TRPC7: variants seen among roughly 807,000 people sequenced by gnomAD.
TRPC7 encodes short transient receptor potential channel 7.
In TRPC7, 42 loss-of-function variants were observed where a neutral mutation model predicts 90.1. That is an observed-to-expected ratio of 0.47 (90% CI 0.36 to 0.60). TRPC7 has a LOEUF of 0.60. Among genes scored for constraint, TRPC7 ranks in the 20% least tolerant of loss-of-function variants. TRPC7 has a pLI of 0.00. For missense variants in TRPC7, 955 were observed against 1,112.3 expected (o/e 0.86, Z 2.01); for synonymous variants, 451 against 436.3 (o/e 1.03, Z -0.42).
chr5:136,253,667 A>G (rs1756598271), intron 5 of TRPC7, among the ~76,000 whole-genome samples: 1 of 152,118 alleles, frequency 6.6e-6, no homozygotes, highest in African/African-American at 2.4e-5. Flanking sequence ...TGCTCCACTG[A>G]CCTGCTGTTT....
At chr5:136,264,669 C>T (rs571374768) in intron 5 of TRPC7, among the ~76,000 whole-genome samples, 9 of 151,644 alleles carry the variant, frequency 5.9e-5, no homozygotes, top group African/African-American at 1.2e-4. Context: ...GTCCGCTCAT[C>T]GAAACCTCTG....
intron 2 of TRPC7, among the ~76,000 whole-genome samples, chr5:136,356,147 A>T (rs1463800494): frequency 1.3e-5 from 2 of 152,224 alleles, no homozygotes; most frequent in Non-Finnish European, 2.9e-5. Context: ...TTCCTATTAG[A>T]CTGAGACTGA....
At chr5:136,324,820 A>G (rs564771182) in intron 2 of TRPC7, among the ~76,000 whole-genome samples, 13 of 152,366 alleles carry the variant, frequency 8.5e-5, no homozygotes, top group African/African-American at 3.1e-4. Context: ...AATTTCTCAG[A>G]GAGATGTTGT....
intron 10 of TRPC7, among the ~76,000 whole-genome samples, chr5:136,217,535 TG>T (rs1755308725): frequency 6.6e-6 from 1 of 152,300 alleles, no homozygotes; most frequent in African/African-American, 2.4e-5. Context: ...CTCGGGCTCA[TG>T]GGCCAACTGG....
intron 3 of TRPC7, among the ~76,000 whole-genome samples, chr5:136,301,227 A>T (rs1758370414): frequency 6.6e-6 from 1 of 150,958 alleles, no homozygotes; most frequent in Admixed American, 6.6e-5. Context: ...GGGTTTCATC[A>T]TGTTAGTCAG....
intron 2 of TRPC7, among the ~76,000 whole-genome samples, chr5:136,352,307 C>T (rs1580987409): frequency 6.6e-6 from 1 of 152,302 alleles, no homozygotes; most frequent in South Asian, 2.1e-4. Context: ...CCAGGCATTG[C>T]TGTTTCCATA....
intron 3 of TRPC7, among the ~76,000 whole-genome samples, chr5:136,305,278 C>G (rs1275389309): frequency 6.6e-6 from 1 of 152,136 alleles, no homozygotes; most frequent in Non-Finnish European, 1.5e-5. Context: ...TCACCCTGAT[C>G]ACGCTTGATT....
intron 3 of TRPC7, among the ~76,000 whole-genome samples, chr5:136,295,257 G>T (rs1758125521): frequency 6.6e-6 from 1 of 152,120 alleles, no homozygotes; most frequent in South Asian, 2.1e-4. Flanking sequence ...CCTGCACGTT[G>T]TGCACATGTA....
chr5:136,318,515 A>G (rs533947839), intron 2 of TRPC7, among the ~76,000 whole-genome samples: 1 of 152,242 alleles, frequency 6.6e-6, no homozygotes, highest in African/African-American at 2.4e-5. Flanking sequence ...CCTTCCTTGG[A>G]TATTTAGCCT....
intron 3 of TRPC7, among the ~76,000 whole-genome samples, chr5:136,280,963 C>T (rs529130542): frequency 3.3e-5 from 5 of 152,106 alleles, no homozygotes; most frequent in African/African-American, 9.7e-5. Context: ...GTGATTATGA[C>T]GACAGGGCCT....
intron 2 of TRPC7, among the ~76,000 whole-genome samples, chr5:136,318,823 C>T (rs1759106238): frequency 6.6e-6 from 1 of 152,134 alleles, no homozygotes; most frequent in Admixed American, 6.5e-5. Context: ...CAGCCACTGA[C>T]TGTACCTCCT....
intron 1 of TRPC7, among the ~76,000 whole-genome samples, chr5:136,364,901 A>G (rs1024577387): frequency 2.0e-5 from 3 of 152,190 alleles, no homozygotes; most frequent in African/African-American, 7.2e-5. Flanking sequence ...ATTATGATAA[A>G]TACAACCACA....
chr5:136,309,957 C>A (rs961684007), intron 3 of TRPC7, among the ~76,000 whole-genome samples: 2 of 152,092 alleles, frequency 1.3e-5, no homozygotes, highest in African/African-American at 2.4e-5. Context: ...ATCTTTACAA[C>A]CACTCCTGAT....
rs145802784 is a variant in TRPC7, at chr5:136,281,230, A to G, written c.964-6393T>C. Among the ~76,000 whole-genome samples the G allele has an allele frequency of 8.9e-3, 1,354 of 152,300 alleles. 11 individuals carry two copies. Among genetic ancestry groups the G allele is most frequent in the Non-Finnish European group, 0.014 (944 of 68,022 alleles). On this transcript the variant is annotated intron_variant, in intron 3 of 11. Coordinates refer to ENST00000513104, the MANE Select transcript of TRPC7 (RefSeq NM_020389.3). ...ATCAGAAATACACAAGAAGGGCTTG[A>G]AGCCCCTTTTCTTGATAACTTCATC...
chr5:136,347,346 A>T (rs1760042137), intron 2 of TRPC7, among the ~76,000 whole-genome samples: 1 of 152,204 alleles, frequency 6.6e-6, no homozygotes, highest in Admixed American at 6.5e-5. Context: ...TCTTCTTGGC[A>T]TGGCATTTTG....
intron 2 of TRPC7, among the ~76,000 whole-genome samples, chr5:136,321,542 G>A (rs952388103): frequency 6.6e-6 from 1 of 151,980 alleles, no homozygotes; most frequent in Non-Finnish European, 1.5e-5. Flanking sequence ...AAATGCTCAG[G>A]ATAGTTAATA....
chr5:136,332,339 C>T (rs546456781), intron 2 of TRPC7, among the ~76,000 whole-genome samples: 9 of 152,146 alleles, frequency 5.9e-5, no homozygotes, highest in East Asian at 1.9e-4. Context: ...ATCAGAGCCC[C>T]GACAGGCACC....
intron 5 of TRPC7, among the ~76,000 whole-genome samples, chr5:136,259,482 C>T (rs1756785875): frequency 6.6e-6 from 1 of 152,202 alleles, no homozygotes; most frequent in African/African-American, 2.4e-5. Context: ...TATTTTACTA[C>T]CATACCAGGC....
chr5:136,304,936 C>A, intron 3 of TRPC7, among the ~76,000 whole-genome samples: 1 of 152,238 alleles, frequency 6.6e-6, no homozygotes. Context: ...ACTGTTTTAG[C>A]CTAGCCCTCA....
Sources: gnomAD v4.1 joint callset for allele counts (sites outside exome capture counted in the v4.1 genomes callset) on GRCh38, gnomAD v4.1.1 for gene constraint, MANE v1.5 for transcripts, NCBI Gene and HGNC (gene_info 2026-07-23, HGNC 2026-07-21) for gene names.